Variants in ADGRL2 observed in about 807,000 individuals in gnomAD.
The protein encoded by ADGRL2 is calcium-independent alpha-latrotoxin receptor 2.
In ADGRL2, 44 loss-of-function variants were observed where a neutral mutation model predicts 157.4. The ratio of observed to expected loss-of-function variants is 0.28; its 90% confidence interval spans 0.22 to 0.36. The LOEUF (loss-of-function observed/expected upper bound fraction) is 0.36. ADGRL2 is among the 10% of genes least tolerant of loss of function. ADGRL2 has a pLI of 1.00. For synonymous variants in ADGRL2, 585 were observed against 624.7 expected, an observed-to-expected ratio of 0.94 and a Z score of 0.95; for missense variants, 1,510 against 1,768.9, an observed-to-expected ratio of 0.85 and a Z score of 2.63.
chr1:81,523,557 A>T (rs1158465326), intron 2 of ADGRL2, among the ~76,000 whole-genome samples: 1 of 152,228 alleles, frequency 6.6e-6, no homozygotes, highest in Non-Finnish European at 1.5e-5. Flanking sequence ...GCTATCTCAT[A>T]GAAAAGAAAA....
intron 2 of ADGRL2, among the ~76,000 whole-genome samples, chr1:81,846,872 T>C (rs2092811058): frequency 6.6e-6 from 1 of 151,940 alleles, no homozygotes; most frequent in South Asian, 2.1e-4. Flanking sequence ...TTTTATATGG[T>C]AGAATGCTGT....
intron 2 of ADGRL2, among the ~76,000 whole-genome samples, chr1:81,899,446 A>T (rs1273441789): frequency 6.6e-6 from 1 of 152,184 alleles, no homozygotes; most frequent in African/African-American, 2.4e-5. Context: ...ATTTATTCCG[A>T]TCAGTAGCCT....
At chr1:81,778,823 G>C (rs2086700373) in intron 2 of ADGRL2, among the ~76,000 whole-genome samples, 1 of 152,148 alleles carries the variant, frequency 6.6e-6, no homozygotes, top group African/African-American at 2.4e-5. Context: ...GGGCATACAG[G>C]TGAAGTTTTC....
intron 1 of ADGRL2, among the ~76,000 whole-genome samples, chr1:81,313,760 T>C (rs1041247162): frequency 6.6e-6 from 1 of 152,128 alleles, no homozygotes; most frequent in Non-Finnish European, 1.5e-5. Context: ...ATCAAGAGGG[T>C]ATTTCACAGC....
chr1:81,844,147 A>C (rs367988854), intron 2 of ADGRL2, among the ~76,000 whole-genome samples: 2 of 152,222 alleles, frequency 1.3e-5, no homozygotes, highest in African/African-American at 2.4e-5. Flanking sequence ...ATTTGCTAAA[A>C]GTAAAAAGGT....
intron 1 of ADGRL2, among the ~76,000 whole-genome samples, chr1:81,736,621 G>C (rs1362999844): frequency 1.3e-5 from 2 of 152,082 alleles, no homozygotes; most frequent in Admixed American, 6.5e-5. Context: ...TTTTCCCTTA[G>C]ATCCAGATCT....
chr1:81,518,983 T>A (rs1271256088), intron 2 of ADGRL2, among the ~76,000 whole-genome samples: 1 of 152,144 alleles, frequency 6.6e-6, no homozygotes, highest in East Asian at 1.9e-4. Context: ...GTCTATAGCT[T>A]TTTACGATTT....
chr1:81,869,623 A>G (rs1334877234), intron 2 of ADGRL2, among the ~76,000 whole-genome samples: 1 of 152,094 alleles, frequency 6.6e-6, no homozygotes, highest in Non-Finnish European at 1.5e-5. Flanking sequence ...CAGTTTATAA[A>G]TAATTACAGT....
chr1:81,936,540 G>A (rs1469301280), intron 3 of ADGRL2, among the ~76,000 whole-genome samples, 188 bp from the exon 4 acceptor site: 1 of 151,172 alleles, frequency 6.6e-6, no homozygotes, highest in Non-Finnish European at 1.5e-5. Flanking sequence ...TGATACCACT[G>A]TATTACAACA....
At chr1:81,331,427 T>C (rs1570639838) in intron 1 of ADGRL2, among the ~76,000 whole-genome samples, 1 of 152,284 alleles carries the variant, frequency 6.6e-6, no homozygotes, top group Non-Finnish European at 1.5e-5. Context: ...AGTAGAAATA[T>C]AGACAATGAT....
intron 1 of ADGRL2, among the ~76,000 whole-genome samples, chr1:81,379,613 A>G (rs1217233798): frequency 6.6e-6 from 1 of 152,080 alleles, no homozygotes; most frequent in Admixed American, 6.5e-5. Context: ...GCTCTCCTCC[A>G]ACTGCCCCAG....
At chr1:81,779,510 T>A (rs1451847096) in intron 2 of ADGRL2, among the ~76,000 whole-genome samples, 1 of 152,236 alleles carries the variant, frequency 6.6e-6, no homozygotes, top group Non-Finnish European at 1.5e-5. Flanking sequence ...CTTTAGCATA[T>A]TTCACAAGCC....
intron 2 of ADGRL2, among the ~76,000 whole-genome samples, chr1:81,875,661 C>T (rs1013359831): frequency 1.1e-4 from 17 of 152,074 alleles, no homozygotes; most frequent in African/African-American, 4.1e-4. Context: ...CTTACATGTC[C>T]ATAATGGAAA....
intron 2 of ADGRL2, among the ~76,000 whole-genome samples, chr1:81,841,176 C>G (rs888864689): frequency 6.6e-6 from 1 of 152,082 alleles, no homozygotes; most frequent in Non-Finnish European, 1.5e-5. Context: ...TTAATTACCT[C>G]AAATTATATT....
intron 1 of ADGRL2, among the ~76,000 whole-genome samples, chr1:81,397,792 T>C (rs1003923522): frequency 2.0e-5 from 3 of 152,222 alleles, no homozygotes; most frequent in Non-Finnish European, 2.9e-5. Flanking sequence ...TCTGCAGCTG[T>C]TGGATAAAAA....
chr1:81,561,192 A>G (rs1410298671), intron 2 of ADGRL2, among the ~76,000 whole-genome samples: 1 of 151,738 alleles, frequency 6.6e-6, no homozygotes, highest in Non-Finnish European at 1.5e-5. Context: ...TCTAACACAT[A>G]TATTCATTAT....
chr1:81,757,453 G>C (rs1036656776), intron 1 of ADGRL2, among the ~76,000 whole-genome samples: 1 of 152,090 alleles, frequency 6.6e-6, no homozygotes, highest in Non-Finnish European at 1.5e-5. Context: ...CTGAGTCTTG[G>C]CCAATCACAG....
intron 3 of ADGRL2, among the ~76,000 whole-genome samples, chr1:81,907,752 CA>C (rs1160114402): frequency 6.6e-6 from 1 of 152,094 alleles, no homozygotes; most frequent in Admixed American, 6.6e-5. Context: ...CACAGCAGTA[CA>C]TTTGTTAACA....
chr1:81,699,231 G>C (rs2083508198), upstream of ADGRL2, among the ~76,000 whole-genome samples: 1 of 152,138 alleles, frequency 6.6e-6, no homozygotes, highest in African/African-American at 2.4e-5. Context: ...ATATTTTTAA[G>C]ACAGGAACAT....
Sources: gnomAD v4.1 joint callset for allele counts (sites outside exome capture counted in the v4.1 genomes callset) on GRCh38, gnomAD v4.1.1 for gene constraint, MANE v1.5 for transcripts, NCBI Gene and HGNC (gene_info 2026-07-23, HGNC 2026-07-21) for gene names.